PTPDC1: variants seen among roughly 807,000 people sequenced by gnomAD.
PTPDC1 encodes protein tyrosine phosphatase domain-containing protein 1.
PTPDC1 carries 53 observed loss-of-function variants against 75.3 expected under a neutral mutation model. That is an observed-to-expected ratio of 0.70 (90% CI 0.56 to 0.88). The LOEUF (loss-of-function observed/expected upper bound fraction) is 0.88. Ranked by LOEUF, PTPDC1 falls within the 40% of genes least tolerant of loss-of-function variation. PTPDC1 has a pLI of 0.00. For synonymous variants in PTPDC1, 349 were observed against 366.2 expected, an observed-to-expected ratio of 0.95 and a Z score of 0.54; for missense variants, 925 against 998.6, an observed-to-expected ratio of 0.93 and a Z score of 0.99.
chr9:94,085,296 G>A lies in PTPDC1; in HGVS notation c.290G>A (p.Arg97His), dbSNP rs374246892. 21 of 1,614,054 alleles carry A rather than the reference G, an allele frequency of 1.3e-5. 1 individual carries two copies. The Middle Eastern group carries it at 4.9e-4, about 38-fold the overall frequency. Residue 97 changes from arginine to histidine, a missense_variant, in exon 2 of 9, where the codon CGT (arginine) becomes CAT (histidine). Physicochemically the swap from Arg to His is conservative, Grantham distance 29. Coordinates refer to ENST00000620992, the MANE Select transcript of PTPDC1 (RefSeq NM_001253829.2). ...CCAAAGTACACAAAAGTAGGGGAGC[G>A]TTTACGGCATGTCATTCCTGGACAC... ...PTPKYTKVGE[R>H]LRHVIPGHMA... is the part of the protein sequence containing the mutation.
intron 2 of PTPDC1, 88 bp from the exon 3 acceptor site, chr9:94,087,743 A>G (rs1564027422): frequency 1.2e-6 from 1 of 861,444 alleles, no homozygotes; most frequent in Non-Finnish European, 1.9e-6. Flanking sequence ...AATCATAGAA[A>G]AAATCATCTC....
intron 2 of PTPDC1, among the ~76,000 whole-genome samples, chr9:94,078,068 G>T (rs1826752055): frequency 6.6e-6 from 1 of 152,066 alleles, no homozygotes; most frequent in African/African-American, 2.4e-5. Flanking sequence ...TGCCTCCTTG[G>T]GACATTTCAT....
At chr9:94,035,404 A>T (rs981183715) in intron 1 of PTPDC1, among the ~76,000 whole-genome samples, 1 of 152,174 alleles carries the variant, frequency 6.6e-6, no homozygotes, top group African/African-American at 2.4e-5. Flanking sequence ...GATTCCTCAT[A>T]TAAGTGGAAC....
intron 8 of PTPDC1, 93 bp from the exon 9 acceptor site, chr9:94,107,735 C>T: frequency 1.7e-6 from 1 of 576,380 alleles, no homozygotes; most frequent in Non-Finnish European, 3.0e-6. Flanking sequence ...GTTTGTAAGT[C>T]TGTTTTTTTT....
intron 1 of PTPDC1, chr9:94,038,197 A>C: frequency 2.6e-6 from 2 of 770,784 alleles, no homozygotes; most frequent in South Asian, 2.9e-5. Flanking sequence ...ATAAAAACAA[A>C]GGCATCACCT....
At chr9:94,061,680 C>T (rs1367018029) in intron 1 of PTPDC1, among the ~76,000 whole-genome samples, 2 of 152,264 alleles carry the variant, frequency 1.3e-5, no homozygotes, top group Non-Finnish European at 2.9e-5. Context: ...CCTTCTTAAG[C>T]AGTGTCCTCA....
At chr9:94,064,369 C>A (rs1311733023) in intron 1 of PTPDC1, among the ~76,000 whole-genome samples, 1 of 152,072 alleles carries the variant, frequency 6.6e-6, no homozygotes, top group Non-Finnish European at 1.5e-5. Context: ...GTGTCTGGCA[C>A]ATAGAAATAA....
intron 1 of PTPDC1, chr9:94,064,637 CT>C (rs1395521277): frequency 2.6e-6 from 2 of 766,786 alleles, no homozygotes; most frequent in African/African-American, 3.5e-5. Flanking sequence ...TGGCCAGTGA[CT>C]GCAGCATTGG....
At chr9:94,041,146 C>G (rs1425183422) in intron 1 of PTPDC1, among the ~76,000 whole-genome samples, 11 of 152,164 alleles carry the variant, frequency 7.2e-5, no homozygotes, top group Admixed American at 6.5e-4. Context: ...CCAGGATGTA[C>G]AAATCAACTG....
intron 1 of PTPDC1, among the ~76,000 whole-genome samples, chr9:94,054,752 A>G (rs948061009): frequency 3.3e-5 from 5 of 152,258 alleles, no homozygotes; most frequent in African/African-American, 1.2e-4. Context: ...TACATGCCAC[A>G]TAATTAAGCT....
At position 94,055,043 on chromosome 9, in the gene PTPDC1, G is replaced by A. The variant is rs549046756; in HGVS notation, c.-6-9691G>A. 5.9e-5 allele frequency among the ~76,000 whole-genome samples: 9 copies of A among 152,278 alleles called. No homozygotes were observed. The South Asian group carries it at 1.0e-3, about 18-fold the overall frequency. Reference sequence around the variant, plus strand: ...GGAGCTCCATTCTATTTTGTAGAGCGAATATTATGTTGCCTAGTTCATGAA... The same window carrying A: ...GGAGCTCCATTCTATTTTGTAGAGCAAATATTATGTTGCCTAGTTCATGAA... On this transcript the variant is annotated intron_variant, in intron 1 of 9. Coordinates refer to the PTPDC1 transcript ENST00000375360.
chr9:94,047,425 G>A (rs1825641213), intron 1 of PTPDC1, among the ~76,000 whole-genome samples: 2 of 152,170 alleles, frequency 1.3e-5, no homozygotes, highest in African/African-American at 2.4e-5. Context: ...GCAGTGTGTA[G>A]AGGGAAATTT....
At chr9:94,061,127 C>T (rs1421506964) in intron 1 of PTPDC1, among the ~76,000 whole-genome samples, 3 of 152,154 alleles carry the variant, frequency 2.0e-5, no homozygotes, top group African/African-American at 7.2e-5. Flanking sequence ...TAAATACTCC[C>T]ATTCCGAAAA....
At position 94,092,877 on chromosome 9, in the gene PTPDC1, G is replaced by A. The variant is rs1413734169; in HGVS notation, c.617-2440G>A. Among the ~76,000 whole-genome samples the A allele has an allele frequency of 2.6e-3, 400 of 151,404 alleles. 2 individuals carry two copies. The highest frequency in any genetic ancestry group is 9.1e-3 in the African/African-American group (374 of 41,314). ...CTCTTTTGATCTTTGTTGGTTTAAA[G>A]TCTGTTTTATCAGAGACTAGGATTG... On this transcript the variant is annotated intron_variant, in intron 4 of 8. Coordinates refer to ENST00000620992, the MANE Select transcript of PTPDC1 (RefSeq NM_001253829.2).
intron 4 of PTPDC1, among the ~76,000 whole-genome samples, chr9:94,091,161 G>C (rs1024556612): frequency 2.7e-5 from 4 of 150,912 alleles, no homozygotes; most frequent in African/African-American, 7.3e-5. Flanking sequence ...TCTTGTGCCA[G>C]TTTTCAAAGG....
intron 6 of PTPDC1, among the ~76,000 whole-genome samples, chr9:94,099,085 G>T (rs1170630560): frequency 6.6e-6 from 1 of 152,204 alleles, no homozygotes; most frequent in Non-Finnish European, 1.5e-5. Flanking sequence ...GCCCTAATAG[G>T]GCAACTATGG....
intron 2 of PTPDC1, among the ~76,000 whole-genome samples, chr9:94,085,907 A>C (rs1323098632): frequency 6.6e-6 from 1 of 152,196 alleles, no homozygotes; most frequent in Non-Finnish European, 1.5e-5. Flanking sequence ...TCAGCTCAGT[A>C]GAAAACATAA....
At chr9:94,032,747 C>G (rs1829751363) in intron 1 of PTPDC1, among the ~76,000 whole-genome samples, 1 of 152,078 alleles carries the variant, frequency 6.6e-6, no homozygotes, top group Non-Finnish European at 1.5e-5. Flanking sequence ...TCTCATACTC[C>G]TGGGCTTAAA....
At chr9:94,050,273 G>C (rs1216044873) in intron 1 of PTPDC1, among the ~76,000 whole-genome samples, 1 of 152,196 alleles carries the variant, frequency 6.6e-6, no homozygotes, top group Non-Finnish European at 1.5e-5. Context: ...GTGTTCCTTT[G>C]GAGGAGGAGA....
Sources: allele counts gnomAD v4.1 joint callset (sites outside exome capture counted in the v4.1 genomes callset), GRCh38; gene constraint gnomAD v4.1.1; transcripts MANE v1.5; gene names NCBI Gene and HGNC (gene_info 2026-07-23, HGNC 2026-07-21).